The following SLC35F1 variants were observed in gnomAD, a reference collection of about 807,000 sequenced individuals.
SLC35F1 encodes chromosome 6 open reading frame 169.
A neutral mutation model predicts 48.7 loss-of-function variants in SLC35F1; 14 were observed. The observed-to-expected ratio is 0.29, with a 90% CI of 0.19 to 0.45. The LOEUF (loss-of-function observed/expected upper bound fraction) is 0.45, where lower values mean the gene tolerates loss of function less well. Among genes scored for constraint, SLC35F1 ranks in the 20% least tolerant of loss-of-function variants. The pLI, the probability that SLC35F1 is intolerant of heterozygous loss-of-function variation, is 1.00. For synonymous variants in SLC35F1, 190 were observed against 202.2 expected (o/e 0.94, Z 0.51); for missense variants, 404 against 500.0 (o/e 0.81, Z 1.83).
chr6:118,030,009 T>A (rs540284631), intron 1 of SLC35F1, among the ~76,000 whole-genome samples: 1 of 152,224 alleles, frequency 6.6e-6, no homozygotes, highest in East Asian at 1.9e-4. Context: ...TGATAAGTAT[T>A]GTGGATAAAA....
At chr6:118,249,394 T>C (rs1775545474) in intron 3 of SLC35F1, among the ~76,000 whole-genome samples, 1 of 152,254 alleles carries the variant, frequency 6.6e-6, no homozygotes, top group South Asian at 2.1e-4. Context: ...GAGAGCACCC[T>C]GGTGCTGTCT....
intron 3 of SLC35F1, among the ~76,000 whole-genome samples, chr6:118,254,212 A>G (rs1444116673): frequency 1.3e-5 from 2 of 152,178 alleles, no homozygotes; most frequent in Non-Finnish European, 2.9e-5. Context: ...CTGCATCTAT[A>G]ACAATCCTGG....
chr6:117,955,071 T>G (rs763588299), intron 1 of SLC35F1, among the ~76,000 whole-genome samples: 4 of 152,202 alleles, frequency 2.6e-5, no homozygotes, highest in Non-Finnish European at 4.4e-5. Flanking sequence ...CATTTAAAAA[T>G]GTACCATGGG....
rs1266530157 is a variant in SLC35F1 at position 118,102,836 on chromosome 6, G to A, written c.174-51609G>A. On this transcript the variant is annotated intron_variant, in intron 1 of 7. Transcript: ENST00000360388. ...CTCAATCCTGAAGGAAAGCTGTAAA[G>A]GAAGTGCCTATTTCAGACAGCCTGC... 2.0e-5 allele frequency among the ~76,000 whole-genome samples: 3 copies of A among 152,224 alleles called. 1 individual carries two copies. Among genetic ancestry groups the A allele is most frequent in the African/African-American group, 7.2e-5 (3 of 41,462 alleles).
At chr6:118,116,163 G>A (rs975208358) in intron 1 of SLC35F1, among the ~76,000 whole-genome samples, 2 of 152,162 alleles carry the variant, frequency 1.3e-5, no homozygotes, top group African/African-American at 4.8e-5. Flanking sequence ...CCCGCAATAG[G>A]GAGAGGTAGT....
At chr6:118,071,428 T>C (rs1233603069) in intron 1 of SLC35F1, among the ~76,000 whole-genome samples, 1 of 151,996 alleles carries the variant, frequency 6.6e-6, no homozygotes, top group African/African-American at 2.4e-5. Context: ...GAGCACCTTT[T>C]CCTGTTCTCC....
chr6:118,004,926 G>T (rs186157193), intron 1 of SLC35F1, among the ~76,000 whole-genome samples: 2 of 151,812 alleles, frequency 1.3e-5, no homozygotes, highest in East Asian at 3.9e-4. Flanking sequence ...TCAAATAAGG[G>T]AATATACAGT....
chr6:118,018,058 C>T (rs1310404483), intron 1 of SLC35F1, among the ~76,000 whole-genome samples: 1 of 152,124 alleles, frequency 6.6e-6, no homozygotes, highest in African/African-American at 2.4e-5. Context: ...TTTGTCTCAA[C>T]ATGTCTCTTA....
At chr6:117,966,137 C>CCT (rs1554219369) in intron 1 of SLC35F1, among the ~76,000 whole-genome samples, 1 of 141,794 alleles carries the variant, frequency 7.1e-6, no homozygotes, top group African/African-American at 2.6e-5. Flanking sequence ...CACCGCCCCC[C>CCT]CCCCCACTCC....
rs369171320 is a variant in SLC35F1, at chr6:118,275,541, C to T, written c.720C>T (p.Ile240=). 4 of 1,613,904 alleles carry T rather than the reference C, an allele frequency of 2.5e-6. No individual in the cohort carries two copies. The African/African-American group carries it at 5.3e-5, about 22-fold the overall frequency. The change falls in exon 5 of 8, where the codon ATC becomes ATT. Residue 240 remains isoleucine (I), a synonymous_variant. Coordinates refer to ENST00000360388, the MANE Select transcript of SLC35F1 (RefSeq NM_001029858.4). Reference sequence around the variant, plus strand: ...TTTCTAACGTCTGGGAAGAATACATCATCCGAACTCTGAGCCGAGTGGAAT... The same window carrying T: ...TTTCTAACGTCTGGGAAGAATACATTATCCGAACTCTGAGCCGAGTGGAAT... ...YGISNVWEEY[I]IRTLSRVEFL... is the part of the protein sequence containing the mutation.
intron 1 of SLC35F1, among the ~76,000 whole-genome samples, chr6:118,094,121 G>A (rs1056116318): frequency 2.0e-4 from 31 of 152,150 alleles, no homozygotes; most frequent in African/African-American, 6.8e-4. Flanking sequence ...ATTCTATGCT[G>A]TTGAGAATGA....
intron 3 of SLC35F1, among the ~76,000 whole-genome samples, chr6:118,261,959 C>T (rs1013116541): frequency 6.6e-6 from 1 of 152,168 alleles, no homozygotes; most frequent in Non-Finnish European, 1.5e-5. Flanking sequence ...CTCCCTGCAT[C>T]CCAGACTTAG....
chr6:118,009,467 A>T (rs1001877291), intron 1 of SLC35F1, among the ~76,000 whole-genome samples: 14 of 152,182 alleles, frequency 9.2e-5, no homozygotes, highest in African/African-American at 3.4e-4. Flanking sequence ...AAGGAAATCT[A>T]AGTAGAACTG....
chr6:118,091,129 C>T (rs149206380), intron 1 of SLC35F1, among the ~76,000 whole-genome samples: 1 of 152,186 alleles, frequency 6.6e-6, no homozygotes, highest in Non-Finnish European at 1.5e-5. Flanking sequence ...AGATGAAGAA[C>T]ATGTTTGGAT....
At chr6:118,022,223 G>T (rs1330124296) in intron 1 of SLC35F1, among the ~76,000 whole-genome samples, 1 of 152,152 alleles carries the variant, frequency 6.6e-6, no homozygotes, top group Non-Finnish European at 1.5e-5. Context: ...AATGAAATTG[G>T]TGATCGGGAA....
chr6:118,074,645 C>T (rs1056698704), intron 1 of SLC35F1, among the ~76,000 whole-genome samples: 1 of 152,154 alleles, frequency 6.6e-6, no homozygotes, highest in Non-Finnish European at 1.5e-5. Context: ...TACTTTAAGA[C>T]AGGTAGATTT....
intron 3 of SLC35F1, among the ~76,000 whole-genome samples, chr6:118,265,460 G>A (rs1280707226): frequency 5.9e-5 from 9 of 152,284 alleles, no homozygotes; most frequent in Non-Finnish European, 1.2e-4. Context: ...AACAGGACTC[G>A]ACCTAGCCTG....
At chr6:118,299,661 A>G (rs1355025686) in intron 7 of SLC35F1, among the ~76,000 whole-genome samples, 2 of 152,232 alleles carry the variant, frequency 1.3e-5, no homozygotes, top group African/African-American at 4.8e-5. Context: ...AATGCGAAGT[A>G]AAAATATACA....
intron 3 of SLC35F1, among the ~76,000 whole-genome samples, chr6:118,255,896 C>G (rs915726918): frequency 3.9e-5 from 6 of 151,980 alleles, no homozygotes; most frequent in Non-Finnish European, 8.8e-5. Context: ...GACAGTAAAA[C>G]CTAAACAGTA....
Sources: gnomAD v4.1 joint callset for allele counts (sites outside exome capture counted in the v4.1 genomes callset) on GRCh38, gnomAD v4.1.1 for gene constraint, MANE v1.5 for transcripts, NCBI Gene and HGNC (gene_info 2026-07-23, HGNC 2026-07-21) for gene names.